The following MS4A2 variants were observed in gnomAD, a reference collection of about 807,000 sequenced individuals.
MS4A2 encodes high affinity immunoglobulin epsilon receptor subunit beta.
A neutral mutation model predicts 27.9 loss-of-function variants in MS4A2; 26 were observed. That is an observed-to-expected ratio of 0.93 (90% CI 0.68 to 1.29). The LOEUF is 1.29. Ranked by LOEUF, MS4A2 falls within the 50% of genes most tolerant of loss-of-function variation. MS4A2 has a pLI of 0.00. For synonymous variants in MS4A2, 110 were observed against 98.8 expected, an observed-to-expected ratio of 1.11 and a Z score of -0.67; for missense variants, 284 against 284.6, an observed-to-expected ratio of 1.00 and a Z score of 0.01.
At chr11:60,092,735 A>G in intron 3 of MS4A2, 57 bp from the exon 4 acceptor site, 1 of 1,506,352 alleles carries the variant, frequency 6.6e-7, no homozygotes, top group Non-Finnish European at 9.2e-7. Flanking sequence ...GGGGTTAAAA[A>G]GGACACATTG....
intron 6 of MS4A2, among the ~76,000 whole-genome samples, 185 bp from the exon 7 acceptor site, chr11:60,095,373 C>A (rs1465311900): frequency 6.6e-6 from 1 of 152,196 alleles, no homozygotes; most frequent in African/African-American, 2.4e-5. Flanking sequence ...GACATGATTT[C>A]TTTTGGGCCC....
intron 4 of MS4A2, 101 bp from the exon 5 acceptor site, chr11:60,093,299 T>C (rs930747593): frequency 6.8e-7 from 1 of 1,471,560 alleles, no homozygotes; most frequent in African/African-American, 1.4e-5. Context: ...TTGGAAGCAA[T>C]GTGGAATTTA....
At position 60,090,146 on chromosome 11, in the gene MS4A2, T is replaced by C. The variant is rs111241236; in HGVS notation, c.187-190T>C. Among the ~76,000 whole-genome samples, 5 of 152,336 alleles carry C rather than the reference T, an allele frequency of 3.3e-5. 1 individual carries two copies. The highest frequency in any genetic ancestry group is 9.6e-5 in the African/African-American group (4 of 41,584). On this transcript the variant is annotated intron_variant, in intron 2 of 6. Coordinates refer to ENST00000278888, the MANE Select transcript of MS4A2 (RefSeq NM_000139.5). ...CATGGAGAAAAGTATTGGCCTTCCA[T>C]GCATTAGGTAGTGCTTGTATCAATT...
chr11:60,088,732 T>C lies in MS4A2; in HGVS notation c.-34T>C. The C allele has an allele frequency of 6.3e-7, 1 of 1,599,032 alleles. No individual in the cohort carries two copies. Among genetic ancestry groups the C allele is most frequent in the Non-Finnish European group, 8.5e-7 (1 of 1,170,666 alleles). ...TCCACCAAGTCTCAATATAATAATA[T>C]TCTTTATTCCTGGACAGCTCGGTTA... is the stretch of plus-strand genomic sequence containing the variant. On this transcript the variant is annotated 5_prime_UTR_variant, in exon 1 of 7. Coordinates refer to ENST00000278888, the MANE Select transcript of MS4A2 (RefSeq NM_000139.5).
At chr11:60,088,398 A>C (rs1855687700), upstream of MS4A2, 1 of 220,246 alleles carries the variant, frequency 4.5e-6, no homozygotes, top group South Asian at 7.2e-5. Flanking sequence ...GAAGAAGGGC[A>C]CATCTCTTTC....
At chr11:60,093,300 G>A (rs1200610523) in intron 4 of MS4A2, 100 bp from the exon 5 acceptor site, 1 of 1,488,436 alleles carries the variant, frequency 6.7e-7, no homozygotes, top group African/African-American at 1.4e-5. Context: ...TGGAAGCAAT[G>A]TGGAATTTAC....
At position 60,093,507 on chromosome 11, in the gene MS4A2, C is replaced by T; in HGVS notation, c.486C>T (p.His162=). 6.2e-7 allele frequency: 1 copy of T among 1,614,204 alleles called. No individual in the cohort carries two copies. The highest frequency in any genetic ancestry group is 2.2e-5 in the East Asian group (1 of 44,886). Residue 162 remains histidine, a synonymous_variant, in exon 5 of 7, where the codon CAC becomes CAT. Transcript: ENST00000278888. ...AGAGCTTGGCCTATATCCACATCCACAGTTGCCAGAAATTTTTTGAGACCA... is the reference window on the plus strand; with the variant it reads ...AGAGCTTGGCCTATATCCACATCCATAGTTGCCAGAAATTTTTTGAGACCA... The part of the protein sequence containing the change: ...LKKSLAYIHI[H]SCQKFFETKC...
Position 60,088,835 on chromosome 11 carries a change from A to C in MS4A2, c.56+14A>C. On this transcript the variant is annotated intron_variant, in intron 1 of 6. Transcript: ENST00000278888. ...GGAGCCTTCCAGGTAGGTACAAGGT[A>C]TTATTTTTTTCTACCCTCAGTCACT... 1 of 1,605,498 alleles carries C rather than the reference A, an allele frequency of 6.2e-7. No homozygotes were observed. Among genetic ancestry groups the C allele is most frequent in the Non-Finnish European group, 8.5e-7 (1 of 1,174,690 alleles).
chr11:60,088,373 G>C (rs1044911160), upstream of MS4A2: 1 of 220,660 alleles, frequency 4.5e-6, no homozygotes, highest in African/African-American at 2.4e-5. Flanking sequence ...TGGGACACAA[G>C]TGGGGACAAT....
chr11:60,094,454 A>G (rs1267488801), intron 6 of MS4A2, among the ~76,000 whole-genome samples: 3 of 152,118 alleles, frequency 2.0e-5, no homozygotes, highest in South Asian at 4.2e-4. Flanking sequence ...TTCCTTTCCA[A>G]CTTGCTCTAA....
At chr11:60,094,119 T>C (rs1452024361) in intron 6 of MS4A2, 57 bp downstream of exon 6, 15 of 1,195,804 alleles carry the variant, frequency 1.3e-5, no homozygotes, top group Middle Eastern at 1.9e-4. Context: ...TGGAGCTTTA[T>C]TCCTTAAAAA....
At chr11:60,092,906 T>C in intron 4 of MS4A2, 58 bp downstream of exon 4, 1 of 1,489,054 alleles carries the variant, frequency 6.7e-7, no homozygotes, top group South Asian at 1.1e-5. Context: ...AACAGAGTTT[T>C]AAGAGTCTTA....
rs60162275 is a variant in MS4A2, at chr11:60,093,802, TTGTGTGTGTGTGTGTGTG to T, written c.538-144_538-127del. Reference sequence around the variant, plus strand: ...TCTCTGGGTTTTTCTGTGCCTGTGTTTGTGTGTGTGTGTGTGTGTGTGTGTGTGTGTGTGTATGTGTCA... The same window carrying T: ...TCTCTGGGTTTTTCTGTGCCTGTGTTTGTGTGTGTGTGTGTGTATGTGTCA... On this transcript the variant is annotated intron_variant, in intron 5 of 6. Coordinates refer to ENST00000278888, the MANE Select transcript of MS4A2 (RefSeq NM_000139.5). The T allele has an allele frequency of 5.2e-5, 33 of 640,486 alleles. No homozygotes were observed. In the East Asian group the frequency reaches 6.2e-4, roughly 12 times the overall value. The allele number at this position is 640,486 out of a possible 1,614,324, so 39.7% of individuals were successfully genotyped here. A position where few individuals can be genotyped will look rare whatever the true frequency, so the allele number is the denominator to read the frequency against.
intron 6 of MS4A2, among the ~76,000 whole-genome samples, 157 bp from the exon 7 acceptor site, chr11:60,095,401 G>C (rs1001007831): frequency 6.6e-6 from 1 of 152,184 alleles, no homozygotes; most frequent in Non-Finnish European, 1.5e-5. Flanking sequence ...CAGCTAGTCT[G>C]GTTTGGTTTT....
rs35285786 is a variant in MS4A2, at chr11:60,088,780, T to C, written c.15T>C (p.Ser5=). ...TTAATGAAAAAATGGACACAGAAAG[T>C]AATAGGAGAGCAAATCTTGCTCTCC... MDTE[S]NRRANLALPQ... Residue 5 remains serine, a synonymous_variant, in exon 1 of 7, where the codon AGT becomes AGC. Transcript: ENST00000278888. 887 of 1,612,052 alleles carry C rather than the reference T, an allele frequency of 5.5e-4. 5 individuals carry two copies. The African/African-American group carries it at 0.011, about 19-fold the overall frequency.
chr11:60,090,930 T>A (rs566643016), intron 3 of MS4A2, among the ~76,000 whole-genome samples: 1 of 152,198 alleles, frequency 6.6e-6, no homozygotes, highest in African/African-American at 2.4e-5. Context: ...GGCAGGTGGA[T>A]CACCTGAGGT....
chr11:60,092,874 C>T lies in MS4A2; in HGVS notation c.378+26C>T, dbSNP rs755676553. On this transcript the variant is annotated intron_variant, in intron 4 of 6. Coordinates refer to ENST00000278888, the MANE Select transcript of MS4A2 (RefSeq NM_000139.5). ...GTGAGTTGCCCGTTTCTGTCTTTGTCCATCCTTGAAAAGATAAGAAGAACA... is the reference window on the plus strand; with the variant it reads ...GTGAGTTGCCCGTTTCTGTCTTTGTTCATCCTTGAAAAGATAAGAAGAACA... The T allele has an allele frequency of 5.0e-6, 8 of 1,604,828 alleles. No homozygotes were observed. The South Asian group carries it at 8.8e-5, about 18-fold the overall frequency.
chr11:60,091,009 AGT>A (rs1855749362), intron 3 of MS4A2, among the ~76,000 whole-genome samples: 1 of 152,048 alleles, frequency 6.6e-6, no homozygotes, highest in African/African-American at 2.4e-5. Flanking sequence ...AAATTAGCTG[AGT>A]GTGATAGTGC....
chr11:60,093,127 C>T (rs1024542806), intron 4 of MS4A2, among the ~76,000 whole-genome samples: 1 of 152,174 alleles, frequency 6.6e-6, no homozygotes, highest in Non-Finnish European at 1.5e-5. Context: ...TCCTTGTAGG[C>T]ATATTCACAT....
Sources: allele counts gnomAD v4.1 joint callset (sites outside exome capture counted in the v4.1 genomes callset), GRCh38; gene constraint gnomAD v4.1.1; transcripts MANE v1.5; gene names NCBI Gene and HGNC (gene_info 2026-07-23, HGNC 2026-07-21).